Variants in SLC4A10 observed in about 807,000 individuals in gnomAD.
SLC4A10 encodes the protein sodium-driven chloride bicarbonate exchanger.
In SLC4A10, 42 loss-of-function variants were observed where a neutral mutation model predicts 137.7. The observed-to-expected ratio is 0.30, with a 90% CI of 0.24 to 0.39. SLC4A10 has a LOEUF of 0.39. Among genes scored for constraint, SLC4A10 ranks in the 10% least tolerant of loss-of-function variants. SLC4A10 has a pLI of 1.00. For missense variants in SLC4A10, 925 were observed against 1,355.0 expected (o/e 0.68, Z 4.98); for synonymous variants, 474 against 464.1 (o/e 1.02, Z -0.27).
chr2:161,668,402 G>T (rs1342504922), intron 1 of SLC4A10, among the ~76,000 whole-genome samples: 1 of 151,796 alleles, frequency 6.6e-6, no homozygotes, highest in African/African-American at 2.4e-5. Context: ...TTGGTGACAA[G>T]AGGAGAAAAC....
At chr2:161,694,426 C>G (rs527438482) in intron 1 of SLC4A10, among the ~76,000 whole-genome samples, 2 of 145,620 alleles carry the variant, frequency 1.4e-5, no homozygotes, top group Non-Finnish European at 3.0e-5. Flanking sequence ...AGAAGAAATA[C>G]GATAAAATGT....
chr2:161,778,213 G>T (rs77748803), intron 2 of SLC4A10, among the ~76,000 whole-genome samples: 4,124 of 151,826 alleles, frequency 0.027, 174 homozygotes, highest in African/African-American at 0.094. Flanking sequence ...TCCTTCATTT[G>T]CTAGTGTTTT....
rs139328943 is a variant in SLC4A10 at position 161,880,852 on chromosome 2, G to A, written c.1107-1505G>A. ...CTATGAGCAAATGATGGCTATTTAC[G>A]ACAATGATAGTGCTTGTATTTCAAA... On this transcript the variant is annotated intron_variant, in intron 9 of 26. Coordinates refer to ENST00000446997, the MANE Select transcript of SLC4A10 (RefSeq NM_001178015.2). Among the ~76,000 whole-genome samples the A allele has an allele frequency of 4.4e-3, 673 of 152,126 alleles. 5 individuals are homozygous for A. The highest frequency in any genetic ancestry group is 0.015 in the African/African-American group (639 of 41,532).
chr2:161,910,183 A>G (rs1685494975), intron 15 of SLC4A10, among the ~76,000 whole-genome samples: 1 of 152,112 alleles, frequency 6.6e-6, no homozygotes, highest in Non-Finnish European at 1.5e-5. Context: ...ATTTCCTTAA[A>G]TTCATAGTGT....
chr2:161,694,565 AC>A (rs1318943655), intron 1 of SLC4A10, among the ~76,000 whole-genome samples: 3 of 152,034 alleles, frequency 2.0e-5, no homozygotes, highest in Non-Finnish European at 4.4e-5. Context: ...AGGAAAAAAA[AC>A]ACCTGACTTT....
chr2:161,890,761 C>A (rs2062829532), intron 10 of SLC4A10, among the ~76,000 whole-genome samples: 1 of 152,074 alleles, frequency 6.6e-6, no homozygotes, highest in African/African-American at 2.4e-5. Flanking sequence ...CAGTCTGTGT[C>A]CTTTAATTGG....
chr2:161,830,164 A>AAG (rs930391959), intron 3 of SLC4A10, among the ~76,000 whole-genome samples: 2 of 124,416 alleles, frequency 1.6e-5, no homozygotes, highest in African/African-American at 5.7e-5. Context: ...ACTAAAGCAA[A>AAG]AAAAAAAAAA....
intron 21 of SLC4A10, among the ~76,000 whole-genome samples, chr2:161,962,330 C>G (rs149678016): frequency 6.6e-6 from 1 of 152,236 alleles, no homozygotes; most frequent in African/African-American, 2.4e-5. Context: ...TAAACAATAA[C>G]AATTGAAGCA....
chr2:161,912,567 A>G (rs1686107394), intron 15 of SLC4A10, among the ~76,000 whole-genome samples: 1 of 152,084 alleles, frequency 6.6e-6, no homozygotes, highest in Non-Finnish European at 1.5e-5. Flanking sequence ...TCAAGTTACA[A>G]CCATGGGCAG....
At chr2:161,952,880 A>T (rs1695043450) in intron 19 of SLC4A10, among the ~76,000 whole-genome samples, 1 of 152,216 alleles carries the variant, frequency 6.6e-6, no homozygotes, top group Non-Finnish European at 1.5e-5. Flanking sequence ...TACTCAGAGT[A>T]ACGGTTTGTT....
At chr2:161,668,518 C>T (rs1483148951) in intron 1 of SLC4A10, among the ~76,000 whole-genome samples, 2 of 151,728 alleles carry the variant, frequency 1.3e-5, no homozygotes, top group Non-Finnish European at 3.0e-5. Context: ...AACTAGAGAA[C>T]ATGTGATCAC....
At chr2:161,824,264 C>T (rs1212927343) in intron 3 of SLC4A10, among the ~76,000 whole-genome samples, 2 of 152,062 alleles carry the variant, frequency 1.3e-5, no homozygotes, top group South Asian at 2.1e-4. Flanking sequence ...TGGAAAGCAT[C>T]GTCAATAATG....
intron 3 of SLC4A10, among the ~76,000 whole-genome samples, chr2:161,818,982 C>T (rs1028947987): frequency 6.6e-6 from 1 of 152,128 alleles, no homozygotes; most frequent in South Asian, 2.1e-4. Context: ...CAGGATGATG[C>T]TGGCCTCATA....
chr2:161,908,516 A>T (rs150226759), intron 15 of SLC4A10, among the ~76,000 whole-genome samples: 1 of 151,340 alleles, frequency 6.6e-6, no homozygotes, highest in Admixed American at 6.6e-5. Flanking sequence ...CAGCACACCA[A>T]CATGGCACAT....
chr2:161,812,408 G>T (rs1004239823), intron 3 of SLC4A10, among the ~76,000 whole-genome samples: 2 of 151,810 alleles, frequency 1.3e-5, no homozygotes, highest in Non-Finnish European at 2.9e-5. Context: ...ACATGTGCAG[G>T]TTTGTTACAT....
chr2:161,934,542 C>A (rs1691222909), intron 15 of SLC4A10, among the ~76,000 whole-genome samples: 1 of 152,050 alleles, frequency 6.6e-6, no homozygotes, highest in Non-Finnish European at 1.5e-5. Flanking sequence ...TATATATGTA[C>A]CACATTTTCC....
At chr2:161,939,069 C>T (rs564550609) in intron 15 of SLC4A10, among the ~76,000 whole-genome samples, 1 of 151,934 alleles carries the variant, frequency 6.6e-6, no homozygotes, top group Non-Finnish European at 1.5e-5. Flanking sequence ...ATGGATTTAG[C>T]TAATTTTATT....
chr2:161,904,870 C>A lies in SLC4A10; in HGVS notation c.1712C>A (p.Pro571Gln), dbSNP rs774293851. Residue 571 changes from proline (P) to glutamine (Q), a missense_variant, in exon 14 of 27, where the codon CCA becomes CAA. Pro to Gln is a moderately conservative substitution (Grantham distance 76). Around this residue, in one of 11 missense-constraint regions of SLC4A10, gnomAD observed 61 missense variants for 168.0 expected, o/e 0.36. Coordinates refer to ENST00000446997, the MANE Select transcript of SLC4A10 (RefSeq NM_001178015.2). ...CTTACCATATTAGGCAGTACAGGAC[C>A]AGTTTTGGTGTTTGAAAAGATTTTG... ...QPLTILGSTG[P>Q]VLVFEKILFK... 1 of 1,613,796 alleles carries A rather than the reference C, an allele frequency of 6.2e-7. No homozygotes were observed. Among genetic ancestry groups the A allele is most frequent in the Non-Finnish European group, 8.5e-7 (1 of 1,179,874 alleles).
chr2:161,875,462 A>G (rs569492533), intron 8 of SLC4A10, among the ~76,000 whole-genome samples: 2 of 152,144 alleles, frequency 1.3e-5, no homozygotes, highest in Admixed American at 6.5e-5. Flanking sequence ...TCTACATTCA[A>G]CCTACATATT....
Sources: gnomAD v4.1 joint callset for allele counts (sites outside exome capture counted in the v4.1 genomes callset) on GRCh38, gnomAD v4.1.1 for gene constraint, gnomAD v4.1.1 regional missense constraint, MANE v1.5 for transcripts, NCBI Gene and HGNC (gene_info 2026-07-23, HGNC 2026-07-21) for gene names.